Variants in DST observed in about 807,000 individuals in gnomAD.
The protein encoded by DST is bullous pemphigoid antigen.
In DST, 253 loss-of-function variants were observed where a neutral mutation model predicts 875.2. The observed-to-expected ratio is 0.29, with a 90% CI of 0.26 to 0.32. The LOEUF (loss-of-function observed/expected upper bound fraction) is 0.32. Among genes scored for constraint, DST ranks in the 10% least tolerant of loss-of-function variants. DST has a pLI of 1.00. For synonymous variants in DST, 3,124 were observed against 3,197.1 expected, an observed-to-expected ratio of 0.98 and a Z score of 0.77; for missense variants, 8,287 against 9,111.6, an observed-to-expected ratio of 0.91 and a Z score of 3.68.
intron 3 of DST, among the ~76,000 whole-genome samples, chr6:56,862,079 G>A (rs201904101): frequency 2.0e-5 from 3 of 152,060 alleles, no homozygotes; most frequent in African/African-American, 7.2e-5. Flanking sequence ...TTATTGGCTT[G>A]GCAGCTTGGC....
chr6:56,573,167 C>T, intron 51 of DST, 103 bp from the exon 52 acceptor site: 4 of 1,025,614 alleles, frequency 3.9e-6, no homozygotes, highest in South Asian at 1.9e-5. Flanking sequence ...CTTGCACAAC[C>T]TGTGCCTAGG....
intron 49 of DST, among the ~76,000 whole-genome samples, chr6:56,588,443 G>A (rs1460302115): frequency 6.6e-6 from 1 of 152,132 alleles, no homozygotes; most frequent in Admixed American, 6.5e-5. Flanking sequence ...GCTTTAGTAA[G>A]TACTCCTTAC....
chr6:56,919,613 C>T (rs1032321609), intron 2 of DST, among the ~76,000 whole-genome samples: 4 of 152,156 alleles, frequency 2.6e-5, no homozygotes, highest in Non-Finnish European at 4.4e-5. Flanking sequence ...ATTCCAAATG[C>T]CCATCTTTAT....
At chr6:56,700,967 C>T (rs550924748) in intron 8 of DST, among the ~76,000 whole-genome samples, 1 of 148,168 alleles carries the variant, frequency 6.7e-6, no homozygotes, top group East Asian at 1.9e-4. Flanking sequence ...TCCCTCTCCC[C>T]CTTTTTCTCT....
At chr6:56,459,352 T>G in intron 103 of DST, 85 bp from the exon 104 acceptor site, 2 of 1,409,762 alleles carry the variant, frequency 1.4e-6, no homozygotes, top group Non-Finnish European at 1.9e-6. Flanking sequence ...ACCTTTAATC[T>G]TAACTTTTTT....
In DST at chr6:56,705,232, G is replaced by A. The variant is rs1005556216; in HGVS notation, c.688-863C>T. ...TGGACTGGCACATTTCCATTTTCTC[G>A]CCTTTCAGTGATTCTGGGCTACTCC... On this transcript the variant is annotated intron_variant, in intron 5 of 103. Transcript: ENST00000680361. Among the ~76,000 whole-genome samples the A allele has an allele frequency of 4.6e-5, 7 of 152,250 alleles. No individual in the cohort carries two copies. In the East Asian group the frequency reaches 5.8e-4, roughly 13 times the overall value.
At chr6:56,579,031 T>C (rs992163354) in intron 49 of DST, 94 bp from the exon 50 acceptor site, 3 of 1,148,864 alleles carry the variant, frequency 2.6e-6, no homozygotes, top group Middle Eastern at 2.1e-4. Flanking sequence ...TAAAGTAAAA[T>C]TGGACAGAAT....
chr6:56,894,955 G>A lies in DST; in HGVS notation c.417+5466C>T, dbSNP rs1393085131. On this transcript the variant is annotated intron_variant, in intron 3 of 103. Coordinates refer to ENST00000680361, the MANE Select transcript of DST (RefSeq NM_001374736.1). Reference sequence around the variant, plus strand: ...CGGGCAGAGGCGCCCCTCACCTCCCGGACGGGGCGGCTGGCCAGGCGGGGG... The same window carrying A: ...CGGGCAGAGGCGCCCCTCACCTCCCAGACGGGGCGGCTGGCCAGGCGGGGG... Among the ~76,000 whole-genome samples the A allele has an allele frequency of 2.6e-4, 25 of 94,610 alleles. 2 individuals carry two copies. The highest frequency in any genetic ancestry group is 4.4e-4 in the Admixed American group (5 of 11,408). The allele number at this position is 94,610 out of a possible 152,430, so 62.1% of individuals were successfully genotyped here.
rs866440172 is a variant in DST, at chr6:56,857,050, T to A, written c.418-5446A>T. 3.3e-5 allele frequency among the ~76,000 whole-genome samples: 5 copies of A among 152,036 alleles called. No individual in the cohort carries two copies. The South Asian group carries it at 1.0e-3, about 32-fold the overall frequency. On this transcript the variant is annotated intron_variant, in intron 3 of 103. Coordinates refer to ENST00000680361, the MANE Select transcript of DST (RefSeq NM_001374736.1). Reference sequence around the variant, plus strand: ...TTTACGAGACAAGGTCTTGCTCCATTGCCCAGGCTGGAGTGCAGAGACATG... The same window carrying A: ...TTTACGAGACAAGGTCTTGCTCCATAGCCCAGGCTGGAGTGCAGAGACATG...
intron 4 of DST, among the ~76,000 whole-genome samples, chr6:56,770,475 T>C (rs1186924538): frequency 1.3e-5 from 2 of 152,224 alleles, no homozygotes; most frequent in African/African-American, 4.8e-5. Context: ...CAAACCCTGC[T>C]AATACAATAA....
chr6:56,870,431 C>CAAAAAAA (rs34119606), intron 3 of DST, among the ~76,000 whole-genome samples: 1 of 51,350 alleles, frequency 1.9e-5, no homozygotes, highest in African/African-American at 6.7e-5. Context: ...CTTGCAACTG[C>CAAAAAAA]AAAAAAAAAA....
Position 56,716,937 on chromosome 6 carries a change from C to T in DST, c.688-12568G>A, listed in dbSNP as rs112394400. 4.6e-3 allele frequency among the ~76,000 whole-genome samples: 705 copies of T among 152,154 alleles called. 8 individuals carry two copies. The highest frequency in any genetic ancestry group is 6.6e-3 in the African/African-American group (273 of 41,524). On this transcript the variant is annotated intron_variant, in intron 5 of 103. Coordinates refer to ENST00000680361, the MANE Select transcript of DST (RefSeq NM_001374736.1). ...TGGCTCACGCCTGTAATCCCAGCAC[C>T]TTGGGAGGCCAAGGCGGGCGGATCA...
At chr6:56,878,081 G>A (rs1041337479) in intron 3 of DST, among the ~76,000 whole-genome samples, 7 of 152,192 alleles carry the variant, frequency 4.6e-5, no homozygotes, top group Non-Finnish European at 1.0e-4. Context: ...GCAATGCCCT[G>A]TGCTAAACCA....
chr6:56,848,513 T>G (rs1483261186), intron 4 of DST, among the ~76,000 whole-genome samples: 2 of 152,230 alleles, frequency 1.3e-5, no homozygotes, highest in East Asian at 3.8e-4. Flanking sequence ...TTCAATTGTA[T>G]GTTTTCATAG....
chr6:56,619,639 T>C (rs1255722535), intron 36 of DST: 1 of 1,613,868 alleles, frequency 6.2e-7, no homozygotes, highest in East Asian at 2.2e-5. Flanking sequence ...AATTGCGCTT[T>C]ATTTTCTTGA....
At chr6:56,886,289 A>G (rs531689803) in intron 3 of DST, among the ~76,000 whole-genome samples, 1 of 152,356 alleles carries the variant, frequency 6.6e-6, no homozygotes, top group Admixed American at 6.5e-5. Context: ...CAAGGATGAG[A>G]GAGGTCTGCT....
intron 51 of DST, 71 bp from the exon 52 acceptor site, chr6:56,573,135 T>C: frequency 7.8e-7 from 1 of 1,285,250 alleles, no homozygotes; most frequent in Non-Finnish European, 1.1e-6. Context: ...TTTTTTTAAA[T>C]GACTATTCCT....
At chr6:56,647,225 C>T (rs752264454) in intron 13 of DST, among the ~76,000 whole-genome samples, 1 of 152,236 alleles carries the variant, frequency 6.6e-6, no homozygotes, top group Non-Finnish European at 1.5e-5. Flanking sequence ...TCATTAAGCA[C>T]CGAATACTCC....
chr6:56,912,464 C>T (rs950211445), intron 2 of DST, among the ~76,000 whole-genome samples: 11 of 152,348 alleles, frequency 7.2e-5, no homozygotes, highest in African/African-American at 2.6e-4. Context: ...TGTGTTCTCA[C>T]AGAAAGTTCT....
Sources: allele counts gnomAD v4.1 joint callset (sites outside exome capture counted in the v4.1 genomes callset), GRCh38; gene constraint gnomAD v4.1.1; transcripts MANE v1.5; gene names NCBI Gene and HGNC (gene_info 2026-07-23, HGNC 2026-07-21).